Variants in MCF2L2 observed in about 807,000 individuals in gnomAD.
MCF2L2 encodes MCF.2 cell line derived transforming sequence-like 2, also known as probable guanine nucleotide exchange factor MCF2L2.
In MCF2L2, 102 loss-of-function variants were observed where a neutral mutation model predicts 150.2. That is an observed-to-expected ratio of 0.68 (90% CI 0.58 to 0.80). MCF2L2 has a LOEUF of 0.80. Among genes scored for constraint, MCF2L2 ranks in the 30% least tolerant of loss-of-function variants. MCF2L2 has a pLI of 0.00. For synonymous variants in MCF2L2, 465 were observed against 491.3 expected (o/e 0.95, Z 0.71); for missense variants, 1,256 against 1,372.8 (o/e 0.91, Z 1.34).
rs1172084949 is a variant in MCF2L2 at position 183,219,909 on chromosome 3, C to T, written c.2317G>A (p.Glu773Lys). The change falls in exon 21 of 30, where the codon GAG becomes AAG. Residue 773 changes from glutamate to lysine, a missense_variant. Physicochemically the swap from Glu to Lys is moderately conservative, Grantham distance 56. Coordinates refer to ENST00000328913, the MANE Select transcript of MCF2L2 (RefSeq NM_015078.4). The part of the protein sequence containing the change: ...QMLLKGLLDF[E>K]SPEDMEIDPG... Reference sequence around the variant, plus strand: ...TCTATCTCCATATCTTCAGGAGACTCGAAATCCAGCAGACCCTGCATTAAC... The same window carrying T: ...TCTATCTCCATATCTTCAGGAGACTTGAAATCCAGCAGACCCTGCATTAAC... 3.1e-6 allele frequency: 5 copies of T among 1,613,314 alleles called. No individual in the cohort carries two copies. The highest frequency in any genetic ancestry group is 1.7e-5 in the Admixed American group (1 of 59,992).
In MCF2L2 at chr3:183,252,389, G is replaced by A. The variant is rs573511123; in HGVS notation, c.1863-21372C>T. ...AGTGCCACAGTCTGGGAGATGCTGA[G>A]CCATGCCCTGTGTAGGCAGCATATG... On this transcript the variant is annotated intron_variant, in intron 15 of 29. Transcript: ENST00000328913. Among the ~76,000 whole-genome samples the A allele has an allele frequency of 2.6e-5, 4 of 152,282 alleles. No individual in the cohort carries two copies. In the East Asian group the frequency reaches 7.7e-4, roughly 29 times the overall value.
chr3:183,407,685 G>A (rs1328474360), intron 1 of MCF2L2, among the ~76,000 whole-genome samples: 1 of 152,148 alleles, frequency 6.6e-6, no homozygotes, highest in Non-Finnish European at 1.5e-5. Flanking sequence ...TCACATATGA[G>A]GTTTGTGTAG....
At chr3:183,414,708 T>G (rs372013066) in intron 1 of MCF2L2, among the ~76,000 whole-genome samples, 2 of 152,230 alleles carry the variant, frequency 1.3e-5, no homozygotes, top group African/African-American at 4.8e-5. Context: ...TAAATTTCCC[T>G]CTCAGCATTG....
In MCF2L2 at chr3:183,214,479, G is replaced by T. The variant is rs148844373; in HGVS notation, c.2496+1490C>A. Reference sequence around the variant, plus strand: ...TGAGATCCAGGCCCAAGAAATACCAGCGTGGGAAGTAAAAATAACTCATTT... The same window carrying T: ...TGAGATCCAGGCCCAAGAAATACCATCGTGGGAAGTAAAAATAACTCATTT... On this transcript the variant is annotated intron_variant, in intron 22 of 29. Transcript: ENST00000328913. Among the ~76,000 whole-genome samples the T allele has an allele frequency of 1.4e-3, 208 of 152,178 alleles. 1 individual carries two copies. The highest frequency in any genetic ancestry group is 4.9e-3 in the African/African-American group (203 of 41,510).
chr3:183,297,224 G>A (rs564668269), intron 11 of MCF2L2, 57 bp from the exon 12 acceptor site: 18 of 1,450,336 alleles, frequency 1.2e-5, no homozygotes, highest in South Asian at 9.7e-5. Flanking sequence ...CAGAGCCACC[G>A]TAATCCTCAG....
At chr3:183,377,793 G>A (rs1314965689) in intron 3 of MCF2L2, 2 of 152,234 alleles carry the variant, frequency 1.3e-5, no homozygotes, top group Non-Finnish European at 2.9e-5. Flanking sequence ...AGGGGCAGAG[G>A]TGTGCCACAG....
At position 183,270,278 on chromosome 3, in the gene MCF2L2, CTT is replaced by C; in HGVS notation, c.1862+6592_1862+6593del. 1.9e-6 allele frequency: 3 copies of C among 1,614,158 alleles called. No individual in the cohort carries two copies. The highest frequency in any genetic ancestry group is 2.5e-6 in the Non-Finnish European group (3 of 1,180,004). ...GGTACAATGATATAATTCAGCAAGA[CTT>C]TGTTGATTCTTTCTACAATCTTACT... is the stretch of plus-strand genomic sequence containing the variant. On this transcript the variant is annotated intron_variant, in intron 15 of 29. Coordinates refer to ENST00000328913, the MANE Select transcript of MCF2L2 (RefSeq NM_015078.4). The surrounding 1 kb of genome is among the most constrained non-coding windows in gnomAD (Gnocchi z 4.5).
intron 18 of MCF2L2, chr3:183,226,374 C>CA (rs1723344990): frequency 6.6e-6 from 1 of 151,538 alleles, no homozygotes; most frequent in South Asian, 2.1e-4. Flanking sequence ...ATCAGGGAGT[C>CA]AGAGGTTGCA....
intron 5 of MCF2L2, among the ~76,000 whole-genome samples, chr3:183,334,774 CAA>C (rs1730404726): frequency 9.3e-6 from 1 of 108,062 alleles, no homozygotes; most frequent in Non-Finnish European, 1.8e-5. Flanking sequence ...GCCTGGGCGA[CAA>C]GAGCAAAACT....
At chr3:183,219,362 G>C (rs1576932815) in intron 21 of MCF2L2, among the ~76,000 whole-genome samples, 1 of 152,140 alleles carries the variant, frequency 6.6e-6, no homozygotes, top group East Asian at 1.9e-4. Context: ...TGTAATACCA[G>C]CACTTTGGGA....
chr3:183,351,688 A>T (rs12632576), intron 3 of MCF2L2, among the ~76,000 whole-genome samples: 3 of 152,122 alleles, frequency 2.0e-5, no homozygotes, highest in Non-Finnish European at 4.4e-5. Flanking sequence ...TGATGGTTAC[A>T]CTGTGAACTT....
intron 20 of MCF2L2, among the ~76,000 whole-genome samples, chr3:183,220,365 A>G (rs1380362969): frequency 6.6e-6 from 1 of 152,080 alleles, no homozygotes; most frequent in Admixed American, 6.6e-5. Context: ...TTCTCATTCA[A>G]CAATATCTCA....
intron 27 of MCF2L2, among the ~76,000 whole-genome samples, chr3:183,184,207 A>T (rs551701623): frequency 6.6e-6 from 1 of 152,140 alleles, no homozygotes; most frequent in Non-Finnish European, 1.5e-5. Context: ...TAGTAGAGAC[A>T]GGGTTTCACC....
intron 1 of MCF2L2, among the ~76,000 whole-genome samples, chr3:183,405,911 T>A (rs1307426508): frequency 6.6e-6 from 1 of 152,188 alleles, no homozygotes; most frequent in African/African-American, 2.4e-5. Flanking sequence ...AGACAGGGTT[T>A]TACCATGCTG....
rs137860235 is a variant in MCF2L2, at chr3:183,319,966, C to T, written c.604-1749G>A. 1.8e-3 allele frequency among the ~76,000 whole-genome samples: 278 copies of T among 152,266 alleles called. 5 individuals are homozygous for T. In the South Asian group the frequency reaches 0.024, roughly 13 times the overall value. On this transcript the variant is annotated intron_variant, in intron 6 of 29. Transcript: ENST00000328913. ...GCCCCTAACAAGAGAGTCAGCCTGT[C>T]CTTTTAAGCTTTGAAGCCAGGCATT...
intron 3 of MCF2L2, among the ~76,000 whole-genome samples, chr3:183,351,933 G>A (rs948331801): frequency 2.6e-5 from 4 of 152,110 alleles, no homozygotes; most frequent in African/African-American, 9.7e-5. Flanking sequence ...ATGATTTACT[G>A]ATTCTGTATA....
At chr3:183,346,539 T>C (rs1199268919) in intron 3 of MCF2L2, among the ~76,000 whole-genome samples, 3 of 152,222 alleles carry the variant, frequency 2.0e-5, no homozygotes, top group Non-Finnish European at 4.4e-5. Flanking sequence ...CTATTCAACA[T>C]AGTATTGGAA....
At chr3:183,191,192 AG>A (rs1721879343) in intron 27 of MCF2L2, among the ~76,000 whole-genome samples, 1 of 152,092 alleles carries the variant, frequency 6.6e-6, no homozygotes. Flanking sequence ...ATTTTTTTAG[AG>A]CAGTTTTAGG....
intron 5 of MCF2L2, among the ~76,000 whole-genome samples, chr3:183,327,289 C>A (rs1286141747): frequency 1.3e-5 from 2 of 152,080 alleles, no homozygotes; most frequent in Non-Finnish European, 2.9e-5. Flanking sequence ...AGCACCACTG[C>A]ACTCCAACCT....
Sources: gnomAD v4.1 joint callset for allele counts (sites outside exome capture counted in the v4.1 genomes callset) on GRCh38, gnomAD v4.1.1 for gene constraint, Gnocchi (gnomAD v3.1) non-coding constraint, MANE v1.5 for transcripts, NCBI Gene and HGNC (gene_info 2026-07-23, HGNC 2026-07-21) for gene names.